CLVS1: variants seen among roughly 807,000 people sequenced by gnomAD.
The protein encoded by CLVS1 is clavesin-1.
Under a neutral mutation model 33.1 loss-of-function variants are expected in CLVS1, and 10 were observed. That is an observed-to-expected ratio of 0.30 (90% CI 0.19 to 0.51). The LOEUF is 0.51. Among genes scored for constraint, CLVS1 ranks in the 20% least tolerant of loss-of-function variants. CLVS1 has a pLI of 0.97. For synonymous variants in CLVS1, 163 were observed against 166.1 expected (o/e 0.98, Z 0.14); for missense variants, 343 against 433.4 (o/e 0.79, Z 1.85).
chr8:61,067,005 C>A (rs1366969378), intron 1 of CLVS1, among the ~76,000 whole-genome samples: 1 of 152,002 alleles, frequency 6.6e-6, no homozygotes, highest in Non-Finnish European at 1.5e-5. Context: ...TGTGCACAGT[C>A]CTGAGTCAGG....
At chr8:61,229,873 C>T (rs1011236705) in intron 2 of CLVS1, among the ~76,000 whole-genome samples, 4 of 152,212 alleles carry the variant, frequency 2.6e-5, no homozygotes, top group Non-Finnish European at 5.9e-5. Flanking sequence ...GTGATCTGCC[C>T]ACCTTGGCCT....
In CLVS1 at chr8:61,122,801, C is replaced by T. The variant is rs868726369; in HGVS notation, c.-242-8969C>T. Among the ~76,000 whole-genome samples, 2 of 146,630 alleles carry T rather than the reference C, an allele frequency of 1.4e-5. 1 individual carries two copies. Among genetic ancestry groups the T allele is most frequent in the Middle Eastern group, 7.4e-3 (2 of 272 alleles). On this transcript the variant is annotated intron_variant, in intron 1 of 2. Coordinates refer to the CLVS1 transcript ENST00000522621. ...AAGGTGCTTTTGACCAGCTTCAATCCTTTCCCAGCTCTCTGGCTCCTTTGC... is the reference window on the plus strand; with the variant it reads ...AAGGTGCTTTTGACCAGCTTCAATCTTTTCCCAGCTCTCTGGCTCCTTTGC...
At chr8:61,332,047 C>T (rs1243040105) in intron 2 of CLVS1, among the ~76,000 whole-genome samples, 2 of 152,184 alleles carry the variant, frequency 1.3e-5, no homozygotes, top group Non-Finnish European at 2.9e-5. Flanking sequence ...AGCACGCTAG[C>T]TTTGCATTGG....
chr8:61,289,396 A>G (rs1324154584), intron 1 of CLVS1, among the ~76,000 whole-genome samples: 1 of 152,212 alleles, frequency 6.6e-6, no homozygotes, highest in African/African-American at 2.4e-5. Flanking sequence ...TCCCTATTTG[A>G]TTTAGCCAGG....
chr8:61,231,169 G>T (rs1585707704), intron 2 of CLVS1, among the ~76,000 whole-genome samples: 1 of 152,136 alleles, frequency 6.6e-6, no homozygotes, highest in East Asian at 1.9e-4. Flanking sequence ...GAATCCATGA[G>T]CCAGCCAGGC....
intron 3 of CLVS1, among the ~76,000 whole-genome samples, chr8:61,396,771 G>A (rs1016087236): frequency 2.6e-5 from 4 of 152,044 alleles, no homozygotes; most frequent in Admixed American, 6.6e-5. Context: ...TGGACATTTC[G>A]CATAAATGGA....
At chr8:61,367,167 T>G (rs1427206680) in intron 2 of CLVS1, among the ~76,000 whole-genome samples, 2 of 152,266 alleles carry the variant, frequency 1.3e-5, no homozygotes, top group East Asian at 3.9e-4. Context: ...TCCAGTCCCC[T>G]GCCTTTGATG....
chr8:61,091,470 C>T (rs1253243414), intron 1 of CLVS1, among the ~76,000 whole-genome samples: 1 of 152,142 alleles, frequency 6.6e-6, no homozygotes, highest in Admixed American at 6.5e-5. Context: ...CTGACATGCT[C>T]TTTTATATTC....
intron 2 of CLVS1, among the ~76,000 whole-genome samples, chr8:61,342,195 C>G (rs1812049465): frequency 1.3e-5 from 2 of 152,224 alleles, no homozygotes; most frequent in South Asian, 4.2e-4. Flanking sequence ...TCAGCCTCAC[C>G]CTGACTCCAT....
At chr8:61,042,486 C>G in the CLVS1 span, among the ~76,000 whole-genome samples, 3 of 110,198 alleles carry the variant, frequency 2.7e-5, no homozygotes, top group African/African-American at 1.5e-4. Context: ...ATTTTGGAGC[C>G]TGGGAAGTTC....
intron 5 of CLVS1, among the ~76,000 whole-genome samples, chr8:61,458,976 G>T (rs1440233570): frequency 1.3e-5 from 2 of 152,176 alleles, no homozygotes; most frequent in African/African-American, 4.8e-5. Flanking sequence ...AGAATAAGAT[G>T]TCAAAAGAAC....
In CLVS1 at chr8:61,373,512, A is replaced by G. The variant is rs184774155; in HGVS notation, c.456-3093A>G. 2.4e-3 allele frequency among the ~76,000 whole-genome samples: 368 copies of G among 152,308 alleles called. 3 individuals are homozygous for G. The highest frequency in any genetic ancestry group is 3.9e-3 in the Non-Finnish European group (265 of 68,024). On this transcript the variant is annotated intron_variant, in intron 2 of 5. Coordinates refer to ENST00000325897, the MANE Select transcript of CLVS1 (RefSeq NM_173519.3). ...TCAGTATTTTCTCTTGGAGTGGGTA[A>G]GTGTGGATATGTGTTGAAAAGATGT...
chr8:61,422,933 G>A (rs532383350), intron 3 of CLVS1, among the ~76,000 whole-genome samples: 10 of 152,130 alleles, frequency 6.6e-5, no homozygotes, highest in South Asian at 2.1e-4. Context: ...CCCCTTCCCC[G>A]GTGGACTGTG....
intron 2 of CLVS1, among the ~76,000 whole-genome samples, chr8:61,325,500 T>C (rs1430877306): frequency 1.3e-5 from 2 of 152,184 alleles, no homozygotes; most frequent in Non-Finnish European, 2.9e-5. Flanking sequence ...CTTAAAAACA[T>C]TGTGAGTTTC....
At chr8:61,217,000 C>T (rs569388946) in intron 2 of CLVS1, among the ~76,000 whole-genome samples, 3 of 152,280 alleles carry the variant, frequency 2.0e-5, no homozygotes, top group Admixed American at 2.0e-4. Context: ...AAAGTTTGCT[C>T]ATCACTCATC....
the CLVS1 span, among the ~76,000 whole-genome samples, chr8:61,036,588 T>G: frequency 6.6e-6 from 1 of 152,188 alleles, no homozygotes; most frequent in African/African-American, 2.4e-5. Flanking sequence ...CCCCCTCCTC[T>G]TCCCTCTCCC....
At chr8:61,263,740 A>C (rs537818096) in intron 2 of CLVS1, among the ~76,000 whole-genome samples, 2 of 152,204 alleles carry the variant, frequency 1.3e-5, no homozygotes, top group Non-Finnish European at 2.9e-5. Context: ...CTGCTGCTTA[A>C]TAATAGAGCC....
chr8:61,172,060 C>A (rs1165228023), intron 2 of CLVS1, among the ~76,000 whole-genome samples: 1 of 152,206 alleles, frequency 6.6e-6, no homozygotes, highest in African/African-American at 2.4e-5. Context: ...TCTGCCTAGT[C>A]CATCTGTACT....
At chr8:61,357,992 G>A (rs995636456) in intron 2 of CLVS1, among the ~76,000 whole-genome samples, 1 of 152,158 alleles carries the variant, frequency 6.6e-6, no homozygotes, top group Admixed American at 6.5e-5. Context: ...TTTATTAGCT[G>A]TGTCCTCTCA....
Sources: allele counts gnomAD v4.1 joint callset (sites outside exome capture counted in the v4.1 genomes callset), GRCh38; gene constraint gnomAD v4.1.1; transcripts MANE v1.5; gene names NCBI Gene and HGNC (gene_info 2026-07-23, HGNC 2026-07-21).